Variants in FAT1 observed in about 807,000 individuals in gnomAD.
FAT1 encodes FAT atypical cadherin 1, also known as protocadherin Fat 1.
FAT1 carries 171 observed loss-of-function variants against 329.8 expected under a neutral mutation model. The ratio of observed to expected loss-of-function variants is 0.52; its 90% confidence interval spans 0.46 to 0.59. The LOEUF is 0.59. Ranked by LOEUF, FAT1 falls within the 20% of genes least tolerant of loss-of-function variation. FAT1 has a pLI of 0.00. For missense variants in FAT1, 5,672 were observed against 5,774.4 expected (o/e 0.98, Z 0.57); for synonymous variants, 2,233 against 2,228.6 (o/e 1.00, Z -0.06).
At chr4:186,645,400 TATATATATATATATATA>T (rs1407663771) in intron 3 of FAT1, among the ~76,000 whole-genome samples, 19 of 104,620 alleles carry the variant, frequency 1.8e-4, no homozygotes, top group African/African-American at 6.8e-4. Flanking sequence ...TATATATATA[TATATATATATATATATA>T]TATATGCCTG....
chr4:186,605,455 G>A (rs925249500), intron 17 of FAT1, among the ~76,000 whole-genome samples: 2 of 132,706 alleles, frequency 1.5e-5, no homozygotes, highest in Non-Finnish European at 3.2e-5. Flanking sequence ...GTGGGGAAGA[G>A]GCAGAGTGGG....
intron 3 of FAT1, among the ~76,000 whole-genome samples, chr4:186,642,045 C>T (rs970229694): frequency 6.6e-6 from 1 of 151,940 alleles, no homozygotes; most frequent in Non-Finnish European, 1.5e-5. Context: ...CAAAAGGCTA[C>T]CTGACCACCT....
Position 186,613,154 on chromosome 4 carries a change from G to T in FAT1, c.9418C>A (p.Pro3140Thr), listed in dbSNP as rs1423415715. The T allele has an allele frequency of 6.2e-7, 1 of 1,613,400 alleles. No individual in the cohort carries two copies. The change falls in exon 13 of 27, where the codon CCG (proline) becomes ACG (threonine). Residue 3140 changes from proline (P) to threonine (T), a missense_variant. This residue lies in a region of FAT1 where 3,966 missense variants were observed against 3,915.2 expected (regional missense o/e 1.01). Transcript: ENST00000441802. ...YAITVFENTE[P>T]GTLLTRVQAT... Reference sequence around the variant, plus strand: ...TGCACTCTTGTCAGCAGCGTTCCCGGCTCTGTGTTTTCAAACACGGTGATG... The same window carrying T: ...TGCACTCTTGTCAGCAGCGTTCCCGTCTCTGTGTTTTCAAACACGGTGATG...
At position 186,618,469 on chromosome 4, in the gene FAT1, G is replaced by A. The variant is rs1739837786; in HGVS notation, c.8117C>T (p.Pro2706Leu). The A allele has an allele frequency of 1.2e-6, 2 of 1,614,008 alleles. No individual in the cohort carries two copies. Among genetic ancestry groups the A allele is most frequent in the Non-Finnish European group, 1.7e-6 (2 of 1,179,898 alleles). ...CTCTGACACTGTAAAGGTATAGAAA[G>A]GTTCTGAAAATTTTGGAAGCTGCAT... is the stretch of plus-strand genomic sequence containing the variant. ...PEMQLPKFSEPFYTFTVSEDV... is the reference protein window; with the variant it reads ...PEMQLPKFSELFYTFTVSEDV... Residue 2706 changes from proline (P) to leucine (L), a missense_variant, in exon 10 of 27, where the codon CCT becomes CTT. This residue lies in a region of FAT1 where 3,966 missense variants were observed against 3,915.2 expected (regional missense o/e 1.01). Transcript: ENST00000441802.
At chr4:186,684,493 C>G (rs765976055) in intron 2 of FAT1, among the ~76,000 whole-genome samples, 9 of 152,166 alleles carry the variant, frequency 5.9e-5, no homozygotes, top group South Asian at 2.1e-4. Context: ...TGCCTCCGCC[C>G]GAACACTGCC....
intron 2 of FAT1, among the ~76,000 whole-genome samples, chr4:186,689,684 T>A (rs1743653241): frequency 6.6e-6 from 1 of 152,228 alleles, no homozygotes; most frequent in Non-Finnish European, 1.5e-5. Flanking sequence ...CCTCATTGAA[T>A]GTCCTTAGCC....
At chr4:186,695,760 AACACAC>A (rs34932295) in intron 2 of FAT1, among the ~76,000 whole-genome samples, 3,585 of 141,312 alleles carry the variant, frequency 0.025, 76 homozygotes, top group African/African-American at 0.065. Flanking sequence ...TTATATATAA[AACACAC>A]ACACACACAC....
intron 25 of FAT1, 82 bp from the exon 26 acceptor site, chr4:186,595,908 T>G: frequency 4.1e-5 from 56 of 1,353,524 alleles, no homozygotes; most frequent in Non-Finnish European, 5.5e-5. Flanking sequence ...CACCATGCAT[T>G]ACCCAACGAT....
intron 3 of FAT1, among the ~76,000 whole-genome samples, chr4:186,658,046 G>GTC (rs552969370): frequency 1.3e-5 from 2 of 152,198 alleles, no homozygotes; most frequent in African/African-American, 4.8e-5. Context: ...CTATGCTCCT[G>GTC]TCTCTCTTCC....
chr4:186,718,735 T>A (rs1328059449), intron 1 of FAT1, among the ~76,000 whole-genome samples: 3 of 152,134 alleles, frequency 2.0e-5, no homozygotes, highest in African/African-American at 7.2e-5. Context: ...ACAAACACTC[T>A]TATTCTTCTC....
chr4:186,675,304 A>AG (rs1330287204), intron 2 of FAT1, among the ~76,000 whole-genome samples: 7 of 145,842 alleles, frequency 4.8e-5, no homozygotes, highest in Non-Finnish European at 9.1e-5. Context: ...AATCTCATTA[A>AG]GAAAAAAAAA....
Position 186,706,650 on chromosome 4 carries a change from C to G in FAT1, c.3178G>C (p.Asp1060His), listed in dbSNP as rs181661569. Residue 1060 changes from aspartate to histidine, a missense_variant, in exon 2 of 27, where the codon GAT (aspartate) becomes CAT (histidine). By Grantham distance (81) the Asp-to-His change is moderately conservative. Around this residue, in one of 2 missense-constraint regions of FAT1, gnomAD observed 3,966 missense variants for 3,915.2 expected, o/e 1.01. Transcript: ENST00000441802. ...GSLVMTVSAH[D>H]EDARRDGEIR... ...TCCCCATCTCTTCTGGCGTCCTCAT[C>G]ATGAGCCGACACCGTCATTACCAAT... 6.2e-6 allele frequency: 10 copies of G among 1,614,028 alleles called. No homozygotes were observed. The East Asian group carries it at 6.7e-5, about 11-fold the overall frequency.
At chr4:186,710,753 C>T (rs1199708339) in intron 1 of FAT1, among the ~76,000 whole-genome samples, 3 of 152,188 alleles carry the variant, frequency 2.0e-5, no homozygotes, top group African/African-American at 7.2e-5. Context: ...ATGACACACA[C>T]ACACAAAAGC....
At chr4:186,663,681 C>T in intron 2 of FAT1, 68 bp from the exon 3 acceptor site, 1 of 1,272,838 alleles carries the variant, frequency 7.9e-7, no homozygotes, top group East Asian at 2.5e-5. Flanking sequence ...CAGAAAGTGT[C>T]AACAACTACG....
At chr4:186,635,310 T>TAA (rs5865002) in intron 6 of FAT1, among the ~76,000 whole-genome samples, 107 of 151,432 alleles carry the variant, frequency 7.1e-4, no homozygotes, top group African/African-American at 1.6e-3. Context: ...GAGGAAACAA[T>TAA]AAAAAAAAAT....
chr4:186,674,908 C>A (rs1310183914), intron 2 of FAT1, among the ~76,000 whole-genome samples: 1 of 152,062 alleles, frequency 6.6e-6, no homozygotes, highest in East Asian at 1.9e-4. Context: ...GTGGCAGGCA[C>A]CTGTAGTCCC....
chr4:186,671,815 T>G (rs201794793), intron 2 of FAT1, among the ~76,000 whole-genome samples: 3,072 of 152,096 alleles, frequency 0.02, 142 homozygotes, highest in East Asian at 0.14. Context: ...TGTGTGTGTG[T>G]GGTGTGTGTG....
At chr4:186,610,967 A>G (rs1739418106) in intron 14 of FAT1, among the ~76,000 whole-genome samples, 1 of 151,942 alleles carries the variant, frequency 6.6e-6, no homozygotes, top group African/African-American at 2.4e-5. Flanking sequence ...ATATATTATC[A>G]GAAGCCCACT....
At chr4:186,609,730 A>G in intron 15 of FAT1, 71 bp downstream of exon 15, 2 of 1,089,788 alleles carry the variant, frequency 1.8e-6, no homozygotes, top group South Asian at 2.7e-5. Flanking sequence ...AACTAGATTG[A>G]TTTTACTAAA....
Sources: gnomAD v4.1 joint callset for allele counts (sites outside exome capture counted in the v4.1 genomes callset) on GRCh38, gnomAD v4.1.1 for gene constraint, gnomAD v4.1.1 regional missense constraint, MANE v1.5 for transcripts, NCBI Gene and HGNC (gene_info 2026-07-23, HGNC 2026-07-21) for gene names.